Variants in RBFOX1 observed in about 807,000 individuals in gnomAD.
RBFOX1 encodes RNA binding fox-1 homolog 1, also known as RNA binding protein fox-1 homolog 1.
Under a neutral mutation model 57.7 loss-of-function variants are expected in RBFOX1, and 8 were observed. The ratio of observed to expected loss-of-function variants is 0.14; its 90% CI spans 0.08 to 0.25. RBFOX1 has a LOEUF of 0.25. Ranked by LOEUF, RBFOX1 falls within the 10% of genes least tolerant of loss-of-function variation. The pLI is 1.00. For synonymous variants in RBFOX1, 326 were observed against 222.4 expected (o/e 1.47, Z -4.15); for missense variants, 611 against 548.5 (o/e 1.11, Z -1.14).
intron 3 of RBFOX1, among the ~76,000 whole-genome samples, chr16:5,795,866 C>T (rs932991604): frequency 1.2e-4 from 18 of 152,202 alleles, no homozygotes; most frequent in Admixed American, 2.0e-4. Context: ...TAGAGCCTCA[C>T]AGTCTCTGTT....
chr16:7,171,197 C>T (rs1352913886), intron 4 of RBFOX1, among the ~76,000 whole-genome samples: 1 of 152,184 alleles, frequency 6.6e-6, no homozygotes, highest in Non-Finnish European at 1.5e-5. Context: ...ATCACAGGCA[C>T]CCAGTACTAA....
chr16:7,048,341 C>T lies in RBFOX1; in HGVS notation c.-15-3716C>T, dbSNP rs528826234. Among the ~76,000 whole-genome samples the T allele has an allele frequency of 5.5e-4, 83 of 152,212 alleles. 1 individual carries two copies. Among genetic ancestry groups the T allele is most frequent in the African/African-American group, 2.0e-3 (82 of 41,538 alleles). On this transcript the variant is annotated intron_variant, in intron 3 of 15. Transcript: ENST00000550418. ...GTGGCACAATCTTGGCTCACTGCAA[C>T]CTCTGCCTCCCAGGTTCAAGCAATT...
At chr16:5,284,784 C>CTTTTTTTTTTTTTTTTTTT (rs2063353870) in intron 1 of RBFOX1, among the ~76,000 whole-genome samples, 1 of 35,372 alleles carries the variant, frequency 2.8e-5, no homozygotes, top group Non-Finnish European at 5.7e-5. Context: ...TTTTTTTTTA[C>CTTTTTTTTTTTTTTTTTTT]TTGTAGTATA....
chr16:6,835,255 C>A (rs1013063151), intron 3 of RBFOX1, among the ~76,000 whole-genome samples: 1 of 152,070 alleles, frequency 6.6e-6, no homozygotes, highest in Non-Finnish European at 1.5e-5. Context: ...GGACTAAGAT[C>A]CACAAACACA....
chr16:6,484,147 T>C (rs1168283270), intron 2 of RBFOX1, among the ~76,000 whole-genome samples: 2 of 152,182 alleles, frequency 1.3e-5, no homozygotes, highest in African/African-American at 4.8e-5. Flanking sequence ...GAATAAGCGT[T>C]TATTAAGAAC....
At chr16:6,511,218 C>G (rs941968984) in intron 2 of RBFOX1, among the ~76,000 whole-genome samples, 2 of 151,880 alleles carry the variant, frequency 1.3e-5, no homozygotes, top group Admixed American at 1.3e-4. Flanking sequence ...GAGTGTGATA[C>G]TCTGATACTC....
At chr16:5,393,222 C>T (rs929195507) in intron 1 of RBFOX1, among the ~76,000 whole-genome samples, 1 of 152,174 alleles carries the variant, frequency 6.6e-6, no homozygotes, top group South Asian at 2.1e-4. Flanking sequence ...TTCTGAGTCA[C>T]TGTACCCCAG....
At chr16:6,112,623 G>A (rs145311609) in intron 1 of RBFOX1, among the ~76,000 whole-genome samples, 4,731 of 152,194 alleles carry the variant, frequency 0.031, 243 homozygotes, top group African/African-American at 0.11. Flanking sequence ...CCCAGGAGCC[G>A]GAGGTTGCGG....
chr16:6,640,861 G>A (rs921795780), intron 2 of RBFOX1, among the ~76,000 whole-genome samples: 1 of 152,014 alleles, frequency 6.6e-6, no homozygotes, highest in Non-Finnish European at 1.5e-5. Context: ...TAGGATTAAG[G>A]CCAAGACCCA....
intron 4 of RBFOX1, among the ~76,000 whole-genome samples, chr16:5,948,259 T>A (rs1038712261): frequency 7.7e-4 from 117 of 152,288 alleles, no homozygotes; most frequent in African/African-American, 2.5e-3. Flanking sequence ...TATGGAAGGC[T>A]TTGCTGCTGC....
intron 4 of RBFOX1, among the ~76,000 whole-genome samples, chr16:7,443,459 T>C (rs1179992394): frequency 6.7e-6 from 1 of 148,858 alleles, no homozygotes; most frequent in Non-Finnish European, 1.5e-5. Context: ...TCCCCCTCTC[T>C]TATAAGATTT....
intron 3 of RBFOX1, among the ~76,000 whole-genome samples, chr16:5,648,480 G>C (rs762894135): frequency 2.0e-5 from 3 of 152,120 alleles, no homozygotes; most frequent in Non-Finnish European, 2.9e-5. Context: ...TTCCCTAGGG[G>C]AATTTGGCAA....
chr16:6,942,661 A>G (rs1053132388), intron 3 of RBFOX1, among the ~76,000 whole-genome samples: 2 of 152,178 alleles, frequency 1.3e-5, no homozygotes, highest in Non-Finnish European at 2.9e-5. Context: ...AGCGAGAAGG[A>G]TAAGATGGTG....
At chr16:7,014,432 G>T (rs1463224790) in intron 3 of RBFOX1, among the ~76,000 whole-genome samples, 2 of 151,008 alleles carry the variant, frequency 1.3e-5, no homozygotes, top group African/African-American at 4.9e-5. Context: ...TTTAAAGTAG[G>T]GGTGGGGTTT....
At chr16:7,213,677 C>T (rs2091551491) in intron 4 of RBFOX1, among the ~76,000 whole-genome samples, 2 of 152,250 alleles carry the variant, frequency 1.3e-5, no homozygotes, top group African/African-American at 4.8e-5. Flanking sequence ...ATCCTAACAG[C>T]CCTGATATTG....
intron 4 of RBFOX1, among the ~76,000 whole-genome samples, chr16:7,437,658 C>T (rs746493200): frequency 2.0e-5 from 3 of 152,034 alleles, no homozygotes; most frequent in Non-Finnish European, 4.4e-5. Context: ...CAGTTGGAAA[C>T]GATTAAGGCC....
rs1409149715 is a variant in RBFOX1, at chr16:6,442,294, A to C, written c.-64+125237A>C. Among the ~76,000 whole-genome samples, 3 of 152,198 alleles carry C rather than the reference A, an allele frequency of 2.0e-5. No individual in the cohort carries two copies. The East Asian group carries it at 5.8e-4, about 29-fold the overall frequency. On this transcript the variant is annotated intron_variant, in intron 2 of 15. Transcript: ENST00000550418. Reference sequence around the variant, plus strand: ...CACTGTTGGCCGTGCACGGTGGCTCACACCTGTAATCCCAGCACTTTGGGA... The same window carrying C: ...CACTGTTGGCCGTGCACGGTGGCTCCCACCTGTAATCCCAGCACTTTGGGA...
At chr16:6,145,971 T>C (rs73529947) in intron 1 of RBFOX1, among the ~76,000 whole-genome samples, 4,537 of 152,244 alleles carry the variant, frequency 0.03, 216 homozygotes, top group African/African-American at 0.1. Context: ...AGGATCTCCT[T>C]TGTGACCAAA....
chr16:5,934,193 A>G (rs1033525225), intron 4 of RBFOX1, among the ~76,000 whole-genome samples: 4 of 152,184 alleles, frequency 2.6e-5, no homozygotes, highest in Admixed American at 6.5e-5. Context: ...TTGGCCTTCC[A>G]TTTTTCAAAT....
Sources: allele counts gnomAD v4.1 joint callset (sites outside exome capture counted in the v4.1 genomes callset), GRCh38; gene constraint gnomAD v4.1.1; transcripts MANE v1.5; gene names NCBI Gene and HGNC (gene_info 2026-07-23, HGNC 2026-07-21).